The following ZSWIM7 variants were observed in gnomAD, a reference collection of about 807,000 sequenced individuals.
ZSWIM7 encodes the protein zinc finger SWIM-type containing 7, also known as zinc finger SWIM domain-containing protein 7.
Under a neutral mutation model 21.1 loss-of-function variants are expected in ZSWIM7, and 22 were observed. That is an observed-to-expected ratio of 1.04 (90% CI 0.74 to 1.49). The LOEUF (loss-of-function observed/expected upper bound fraction) is 1.49. ZSWIM7 is among the 40% of genes most tolerant of loss of function. The probability of loss-of-function intolerance (pLI) is 0.00; values close to 1 mark genes in which losing one functional copy is unlikely to be tolerated. For synonymous variants in ZSWIM7, 67 were observed against 66.5 expected, an observed-to-expected ratio of 1.01 and a Z score of -0.04; for missense variants, 193 against 168.0, an observed-to-expected ratio of 1.15 and a Z score of -0.82.
intron 3 of ZSWIM7, among the ~76,000 whole-genome samples, chr17:15,982,783 T>C (rs1970370204): frequency 6.6e-6 from 1 of 152,080 alleles, no homozygotes; most frequent in African/African-American, 2.4e-5. Flanking sequence ...CCTGAGGAGG[T>C]AGGAGTACTG....
intron 2 of ZSWIM7, among the ~76,000 whole-genome samples, chr17:15,987,653 C>G (rs1051010612): frequency 5.3e-5 from 8 of 151,386 alleles, no homozygotes; most frequent in Admixed American, 2.0e-4. Context: ...TTTTGCTGCC[C>G]AGGCTGGAGT....
chr17:15,999,407 GA>G, intron 1 of ZSWIM7, 111 bp downstream of exon 1: 4 of 1,356,594 alleles, frequency 2.9e-6, no homozygotes, highest in Non-Finnish European at 4.1e-6. Context: ...GAACCACATG[GA>G]AAAAAGGCAG....
intron 3 of ZSWIM7, among the ~76,000 whole-genome samples, chr17:15,983,768 G>C (rs1346894223): frequency 6.6e-6 from 1 of 151,998 alleles, no homozygotes; most frequent in Non-Finnish European, 1.5e-5. Context: ...TGTATTTTTA[G>C]TAGAGATGGG....
intron 4 of ZSWIM7, among the ~76,000 whole-genome samples, chr17:15,979,927 C>T (rs1266128029): frequency 1.0e-5 from 1 of 96,868 alleles, no homozygotes; most frequent in Non-Finnish European, 2.0e-5. Context: ...CCACCTCCCT[C>T]CCGGACGGGG....
chr17:15,982,499 G>A (rs1372708547), intron 3 of ZSWIM7, among the ~76,000 whole-genome samples: 3 of 152,066 alleles, frequency 2.0e-5, no homozygotes, highest in African/African-American at 7.2e-5. Flanking sequence ...AGCACTCCTA[G>A]GATTCTTTAA....
In ZSWIM7 at chr17:15,999,526, G is replaced by A. The variant is rs954636832; in HGVS notation, c.69C>T (p.Ser23=). The change falls in exon 1 of 5, where the codon AGC becomes AGT. Residue 23 remains serine, a synonymous_variant. Transcript: ENST00000399277. Reference sequence around the variant, plus strand: ...ACGACCTCGGTCCCGTACTTCGCGCGCTCTCCTGCACCGCCGCCGCCATCT... The same window carrying A: ...ACGACCTCGGTCCCGTACTTCGCGCACTCTCCTGCACCGCCGCCGCCATCT... The part of the protein sequence containing the change: ...LSEMAAAVQE[S]ARIPDEYLLS... 28 of 1,600,494 alleles carry A rather than the reference G, an allele frequency of 1.7e-5. No homozygotes were observed. The highest frequency in any genetic ancestry group is 2.3e-5 in the Non-Finnish European group (27 of 1,177,804).
In ZSWIM7 at chr17:15,993,737, A is replaced by ATGTTAT. The variant is rs1468713867; in HGVS notation, c.98+19_98+20insATAACA. The ATGTTAT allele has an allele frequency of 6.9e-7, 1 of 1,447,060 alleles. No homozygotes were observed. The highest frequency in any genetic ancestry group is 1.4e-5 in the African/African-American group (1 of 69,898). 89.6% of individuals were successfully genotyped at this position (1,447,060 alleles called of 1,614,324 possible). On this transcript the variant is annotated intron_variant, in intron 2 of 4. Transcript: ENST00000399277. ...ATTAATGGTTAAAAAAAAATCAAAT[A>ATGTTAT]CAACAGTATATGTACTTACGATAAC...
At chr17:15,980,279 G>C (rs1003473518) in intron 4 of ZSWIM7, 2 of 152,402 alleles carry the variant, frequency 1.3e-5, no homozygotes, top group Non-Finnish European at 2.9e-5. Flanking sequence ...TGATGTCAGA[G>C]AACACAGCTT....
chr17:15,987,204 G>A, intron 3 of ZSWIM7, 62 bp downstream of exon 3: 4 of 1,350,094 alleles, frequency 3.0e-6, no homozygotes, highest in South Asian at 2.8e-5. Flanking sequence ...CTTCTACAGA[G>A]ATGAAGAACA....
chr17:15,979,484 G>A (rs1225477462), intron 4 of ZSWIM7, among the ~76,000 whole-genome samples: 11 of 152,116 alleles, frequency 7.2e-5, no homozygotes, highest in East Asian at 1.9e-4. Context: ...ATCATGGCCC[G>A]CTCTCAATGA....
chr17:15,993,731 T>G, intron 2 of ZSWIM7, 26 bp downstream of exon 2: 2 of 1,428,578 alleles, frequency 1.4e-6, no homozygotes. Flanking sequence ...TAAAAAAAAA[T>G]CAAATACAAC....
At chr17:15,984,236 T>C (rs529671173) in intron 3 of ZSWIM7, among the ~76,000 whole-genome samples, 1 of 152,214 alleles carries the variant, frequency 6.6e-6, no homozygotes, top group African/African-American at 2.4e-5. Flanking sequence ...TATCTAGCAG[T>C]GGACAACTAA....
At chr17:15,981,737 C>T (rs1380328543) in intron 3 of ZSWIM7, among the ~76,000 whole-genome samples, 1 of 151,890 alleles carries the variant, frequency 6.6e-6, no homozygotes, top group Non-Finnish European at 1.5e-5. Flanking sequence ...CATGGTGAGA[C>T]CTCGTTTCTA....
chr17:15,977,412 A>G lies in ZSWIM7; in HGVS notation c.*635T>C, dbSNP rs911769397. Reference sequence around the variant, plus strand: ...GTAATTCAGTTAGTTACTTAAGACTAAATAGGGTCAGGCGCAGTGGCTCAT... The same window carrying G: ...GTAATTCAGTTAGTTACTTAAGACTGAATAGGGTCAGGCGCAGTGGCTCAT... On this transcript the variant is annotated 3_prime_UTR_variant, in exon 5 of 5. Coordinates refer to ENST00000399277, the MANE Select transcript of ZSWIM7 (RefSeq NM_001042697.2). 6.6e-6 allele frequency: 1 copy of G among 152,228 alleles called. No homozygotes were observed. The highest frequency in any genetic ancestry group is 2.4e-5 in the African/African-American group (1 of 41,444). 9.4% of individuals were successfully genotyped at this position (152,228 alleles called of 1,614,324 possible). A position where few individuals can be genotyped will look rare whatever the true frequency, so the allele number is the denominator to read the frequency against.
In ZSWIM7 at chr17:15,977,918, A is replaced by G; in HGVS notation, c.*129T>C. ...CCCACAGCACCTCCTGCAGTCCTGG[A>G]GGGAAAAGGGACAGTAACATGAAGT... On this transcript the variant is annotated 3_prime_UTR_variant, in exon 5 of 5. Coordinates refer to ENST00000399277, the MANE Select transcript of ZSWIM7 (RefSeq NM_001042697.2). 1.3e-6 allele frequency: 1 copy of G among 781,102 alleles called. No homozygotes were observed. Among genetic ancestry groups the G allele is most frequent in the South Asian group, 1.6e-5 (1 of 63,048 alleles). The allele number at this position is 781,102 out of a possible 1,614,324, so 48.4% of individuals were successfully genotyped here.
chr17:15,978,801 A>G (rs1970309530), intron 4 of ZSWIM7, among the ~76,000 whole-genome samples: 2 of 152,164 alleles, frequency 1.3e-5, no homozygotes, highest in African/African-American at 4.8e-5. Flanking sequence ...CCTTGCCTTC[A>G]GAAAGCTGTC....
chr17:15,995,576 A>T (rs1244040712), intron 1 of ZSWIM7, among the ~76,000 whole-genome samples: 1 of 123,578 alleles, frequency 8.1e-6, no homozygotes, highest in African/African-American at 3.9e-5. Flanking sequence ...CCTGTCTCTT[A>T]AAAAAAAAAA....
chr17:15,984,616 G>C (rs999148219), intron 3 of ZSWIM7, among the ~76,000 whole-genome samples: 6 of 152,156 alleles, frequency 3.9e-5, no homozygotes, highest in African/African-American at 1.4e-4. Flanking sequence ...AAGCCTCTTA[G>C]GACACTCCAC....
chr17:15,977,548 C>G lies in ZSWIM7; in HGVS notation c.*499G>C, dbSNP rs1263279386. 1 of 151,880 alleles carries G rather than the reference C, an allele frequency of 6.6e-6. No homozygotes were observed. The highest frequency in any genetic ancestry group is 1.9e-4 in the East Asian group (1 of 5,192). 9.4% of individuals were successfully genotyped at this position (151,880 alleles called of 1,614,324 possible). ...CCCCATCTCTACTAAAAAAAAAATACAAAAATTTAGCCGGGCATGGTGGCG... is the reference window on the plus strand; with the variant it reads ...CCCCATCTCTACTAAAAAAAAAATAGAAAAATTTAGCCGGGCATGGTGGCG... On this transcript the variant is annotated 3_prime_UTR_variant, in exon 5 of 5. Coordinates refer to ENST00000399277, the MANE Select transcript of ZSWIM7 (RefSeq NM_001042697.2).
Sources: gnomAD v4.1 joint callset for allele counts (sites outside exome capture counted in the v4.1 genomes callset) on GRCh38, gnomAD v4.1.1 for gene constraint, MANE v1.5 for transcripts, NCBI Gene and HGNC (gene_info 2026-07-23, HGNC 2026-07-21) for gene names.